DRD2: variants seen among roughly 807,000 people sequenced by gnomAD.
DRD2 encodes dopamine receptor D2, also known as D(2) dopamine receptor.
A neutral mutation model predicts 38.0 loss-of-function variants in DRD2; 8 were observed. The ratio of observed to expected loss-of-function variants is 0.21; its 90% confidence interval spans 0.12 to 0.38. The LOEUF (loss-of-function observed/expected upper bound fraction) is 0.38. Among genes scored for constraint, DRD2 ranks in the 10% least tolerant of loss-of-function variants. The pLI is 1.00. For synonymous variants in DRD2, 230 were observed against 238.6 expected, an observed-to-expected ratio of 0.96 and a Z score of 0.33; for missense variants, 403 against 607.7, an observed-to-expected ratio of 0.66 and a Z score of 3.54.
chr11:113,419,052 CTG>C (rs1950855503), intron 2 of DRD2, among the ~76,000 whole-genome samples: 1 of 152,216 alleles, frequency 6.6e-6, no homozygotes, highest in South Asian at 2.1e-4. Flanking sequence ...CGTGAGGAAA[CTG>C]AGAACCAATG....
At chr11:113,467,146 A>G (rs1951378315) in intron 1 of DRD2, among the ~76,000 whole-genome samples, 1 of 152,180 alleles carries the variant, frequency 6.6e-6, no homozygotes, top group Non-Finnish European at 1.5e-5. Flanking sequence ...CCTGCCATAA[A>G]TGAGTGAAAG....
intron 2 of DRD2, among the ~76,000 whole-genome samples, chr11:113,419,734 G>A (rs754491137): frequency 1.7e-4 from 26 of 152,146 alleles, no homozygotes; most frequent in Non-Finnish European, 3.4e-4. Flanking sequence ...CTTGGCAGCA[G>A]GGCTAATTAT....
rs1951213617 is a variant in DRD2, at chr11:113,451,965, T to C, written c.-32+23111A>G. Among the ~76,000 whole-genome samples, 3 of 152,128 alleles carry C rather than the reference T, an allele frequency of 2.0e-5. No homozygotes were observed. In the South Asian group the frequency reaches 6.2e-4, roughly 32 times the overall value. ...AGCTGGGATGGATTAGGAAGCTGAG[T>C]GAGCTCCATTGTCCCATTTCTTCTC... On this transcript the variant is annotated intron_variant, in intron 1 of 7. Transcript: ENST00000362072.
rs538787670 is a variant in DRD2, at chr11:113,458,267, C to A, written c.-32+16809G>T. On this transcript the variant is annotated intron_variant, in intron 1 of 7. Coordinates refer to ENST00000362072, the MANE Select transcript of DRD2 (RefSeq NM_000795.4). Reference sequence around the variant, plus strand: ...TTTTAAAATGATTTTCTGCCCTCACCTTTTGATAAATGCTGTTATCAGTAA... The same window carrying A: ...TTTTAAAATGATTTTCTGCCCTCACATTTTGATAAATGCTGTTATCAGTAA... 3.2e-4 allele frequency among the ~76,000 whole-genome samples: 49 copies of A among 152,320 alleles called. No homozygotes were observed. In the South Asian group the frequency reaches 0.01, roughly 32 times the overall value.
At chr11:113,450,813 T>A (rs1056083741) in intron 1 of DRD2, among the ~76,000 whole-genome samples, 1 of 152,184 alleles carries the variant, frequency 6.6e-6, no homozygotes, top group Admixed American at 6.5e-5. Context: ...GCCAAAAATT[T>A]ACATTGTTAA....
chr11:113,422,013 C>T (rs1184102165), intron 2 of DRD2, among the ~76,000 whole-genome samples: 1 of 152,074 alleles, frequency 6.6e-6, no homozygotes. Flanking sequence ...TCCTGGGAAC[C>T]CCCTATAGCC....
At chr11:113,447,907 G>A (rs930602989) in intron 1 of DRD2, among the ~76,000 whole-genome samples, 3 of 152,162 alleles carry the variant, frequency 2.0e-5, no homozygotes, top group African/African-American at 7.2e-5. Context: ...TGTCCATGTT[G>A]AGGGGCCAGT....
intron 6 of DRD2, 191 bp downstream of exon 6, chr11:113,414,184 T>G: frequency 1.4e-6 from 1 of 699,246 alleles, no homozygotes; most frequent in Non-Finnish European, 2.6e-6. Flanking sequence ...ATCCATGCCT[T>G]GCAGAACCGA....
intron 1 of DRD2, among the ~76,000 whole-genome samples, chr11:113,435,130 G>C (rs1160470581): frequency 6.6e-6 from 1 of 152,192 alleles, no homozygotes; most frequent in Non-Finnish European, 1.5e-5. Context: ...CAGAATTTGA[G>C]TCTTCCCAGC....
chr11:113,437,888 A>G (rs1481552368), intron 1 of DRD2, among the ~76,000 whole-genome samples: 1 of 152,084 alleles, frequency 6.6e-6, no homozygotes, highest in East Asian at 1.9e-4. Flanking sequence ...CCTCCCTCAG[A>G]GGAGGGGCAA....
At chr11:113,467,868 C>T (rs1158213719) in intron 1 of DRD2, among the ~76,000 whole-genome samples, 1 of 152,218 alleles carries the variant, frequency 6.6e-6, no homozygotes, top group Admixed American at 6.5e-5. Flanking sequence ...GAGCTGCTGA[C>T]AGGTGAAAGC....
chr11:113,425,121 T>C (rs1414828889), intron 1 of DRD2: 1 of 200,444 alleles, frequency 5.0e-6, no homozygotes, highest in Non-Finnish European at 1.0e-5. Flanking sequence ...AGGAACAAAA[T>C]ATACATGGTT....
rs201628301 is a variant in DRD2 at position 113,415,433 on chromosome 11, C to T, written c.711G>A (p.Arg237=). ...RSSRAFRAHL[R]APLKGNCTHP... ...GGTGTCTTGAGACCTTTAGTGGAGC[C>T]CTCAGGTGGGCCCTGAAAGCTCGGC... is the stretch of plus-strand genomic sequence containing the variant. The change falls in exon 5 of 8, where the codon AGG becomes AGA. Residue 237 remains arginine, a synonymous_variant. Coordinates refer to ENST00000362072, the MANE Select transcript of DRD2 (RefSeq NM_000795.4). The T allele has an allele frequency of 1.5e-5, 24 of 1,613,090 alleles. No homozygotes were observed. Among genetic ancestry groups the T allele is most frequent in the South Asian group, 4.4e-5 (4 of 90,996 alleles).
chr11:113,473,726 C>G (rs1393240825), intron 1 of DRD2, among the ~76,000 whole-genome samples: 1 of 152,206 alleles, frequency 6.6e-6, no homozygotes, highest in African/African-American at 2.4e-5. Context: ...AGGAAAGCAG[C>G]TTGCTGATTT....
At chr11:113,470,652 C>G (rs1400896151) in intron 1 of DRD2, among the ~76,000 whole-genome samples, 1 of 152,210 alleles carries the variant, frequency 6.6e-6, no homozygotes, top group East Asian at 1.9e-4. Flanking sequence ...CTACACTAAG[C>G]TGATACCTAT....
intron 1 of DRD2, among the ~76,000 whole-genome samples, chr11:113,433,210 T>C (rs4938018): frequency 0.97 from 146,935 of 152,216 alleles, 71,148 homozygotes; most frequent in East Asian, 1. Flanking sequence ...CTGGGAACGG[T>C]TTTTCCTGCA....
intron 1 of DRD2, among the ~76,000 whole-genome samples, chr11:113,472,773 T>C (rs80322609): frequency 0.017 from 2,617 of 152,214 alleles, 85 homozygotes; most frequent in African/African-American, 0.06. Context: ...AGACAATAAC[T>C]CACCCAGAGG....
chr11:113,445,654 G>A (rs1174001069), intron 1 of DRD2, among the ~76,000 whole-genome samples: 1 of 152,236 alleles, frequency 6.6e-6, no homozygotes, highest in Non-Finnish European at 1.5e-5. Flanking sequence ...CAAGGGGCAG[G>A]AGGCAGAGAA....
intron 1 of DRD2, among the ~76,000 whole-genome samples, chr11:113,464,622 T>C (rs1951351442): frequency 6.6e-6 from 1 of 152,238 alleles, no homozygotes; most frequent in African/African-American, 2.4e-5. Flanking sequence ...TATGAGTGCA[T>C]TCTGAGCACT....
Sources: gnomAD v4.1 joint callset for allele counts (sites outside exome capture counted in the v4.1 genomes callset) on GRCh38, gnomAD v4.1.1 for gene constraint, MANE v1.5 for transcripts, NCBI Gene and HGNC (gene_info 2026-07-23, HGNC 2026-07-21) for gene names.